The following PLCXD1 variants were observed in gnomAD, a reference collection of about 807,000 sequenced individuals.
The protein encoded by PLCXD1 is phosphatidylinositol specific phospholipase C X domain containing 1.
Under a neutral mutation model 37.8 loss-of-function variants are expected in PLCXD1, and 45 were observed. The observed-to-expected ratio is 1.19, with a 90% confidence interval of 0.94 to 1.53. The LOEUF (loss-of-function observed/expected upper bound fraction) is 1.53, where lower values mean the gene tolerates loss of function less well. PLCXD1 is among the 40% of genes most tolerant of loss of function. The pLI, the probability that PLCXD1 is intolerant of heterozygous loss-of-function variation, is 0.00. For missense variants in PLCXD1, 539 were observed against 454.7 expected (o/e 1.19, Z -1.69); for synonymous variants, 246 against 206.9 (o/e 1.19, Z -1.62).
At position 288,833 on chromosome X, in the gene PLCXD1, C is replaced by G. The variant is rs1228840148; in HGVS notation, c.228C>G (p.Ile76Met). Residue 76 changes from isoleucine (I) to methionine (M), a missense_variant, in exon 3 of 7, where the codon ATC becomes ATG. Coordinates refer to ENST00000381657, the MANE Select transcript of PLCXD1 (RefSeq NM_018390.4). ...TGCTGAACAAGGCCTTGCCCTGCATCACGCGCCCTGTCGTGCTGAAATGGT... is the reference window on the plus strand; with the variant it reads ...TGCTGAACAAGGCCTTGCCCTGCATGACGCGCCCTGTCGTGCTGAAATGGT... ...LQLLNKALPC[I>M]TRPVVLKWSV... is the part of the protein sequence containing the mutation. 1.2e-6 allele frequency: 2 copies of G among 1,613,626 alleles called. No individual in the cohort carries two copies. The highest frequency in any genetic ancestry group is 2.7e-5 in the African/African-American group (2 of 75,046).
chrX:288,487 G>A lies in PLCXD1; in HGVS notation c.128-246G>A, dbSNP rs928550663. ...CACCTGTCACTGGATTTGGGGGCCC[G>A]CCCTACTCCAGGATGATCTCATTTC... On this transcript the variant is annotated intron_variant, in intron 2 of 6. Coordinates refer to ENST00000381657, the MANE Select transcript of PLCXD1 (RefSeq NM_018390.4). Among the ~76,000 whole-genome samples the A allele has an allele frequency of 3.8e-4, 58 of 152,054 alleles. 1 individual carries two copies. The highest frequency in any genetic ancestry group is 6.5e-4 in the Non-Finnish European group (44 of 68,018).
At chrX:279,178 C>T (rs900301599), upstream of PLCXD1, among the ~76,000 whole-genome samples, 1 of 152,124 alleles carries the variant, frequency 6.6e-6, no homozygotes, top group East Asian at 1.9e-4. Context: ...GTCGATTGAT[C>T]GGCTAAGGTA....
chrX:289,555 G>A (rs1373683135), intron 3 of PLCXD1, among the ~76,000 whole-genome samples: 1 of 134,666 alleles, frequency 7.4e-6, no homozygotes, highest in Non-Finnish European at 1.5e-5. Flanking sequence ...CTGCCGCCCA[G>A]GCTGGAGTGC....
upstream of PLCXD1, among the ~76,000 whole-genome samples, chrX:280,396 GGGAGGC>G (rs2069241421): frequency 1.8e-5 from 1 of 54,264 alleles, no homozygotes. Context: ...GCAGGGGGAA[GGGAGGC>G]CGTGCAGGCA....
chrX:296,020 C>T (rs755501646), intron 6 of PLCXD1, among the ~76,000 whole-genome samples: 2 of 151,908 alleles, frequency 1.3e-5, no homozygotes, highest in African/African-American at 2.4e-5. Flanking sequence ...CCATGTTGAT[C>T]AGGCTGGTCT....
At chrX:296,057 C>A (rs2069796779) in intron 6 of PLCXD1, among the ~76,000 whole-genome samples, 1 of 152,036 alleles carries the variant, frequency 6.6e-6, no homozygotes, top group Non-Finnish European at 1.5e-5. Flanking sequence ...GGTGATCTGC[C>A]CGCCTTGGCC....
intron 2 of PLCXD1, among the ~76,000 whole-genome samples, chrX:284,583 TGCACACACGCACACAC>T (rs59021587): frequency 0.2 from 24,249 of 123,916 alleles, 3,787 homozygotes; most frequent in African/African-American, 0.45. Flanking sequence ...CAGGCATACA[TGCACACACGCACACAC>T]GCACACACGC....
intron 6 of PLCXD1, among the ~76,000 whole-genome samples, chrX:294,098 A>G (rs1452733495): frequency 6.7e-6 from 1 of 149,754 alleles, no homozygotes; most frequent in Non-Finnish European, 1.5e-5. Flanking sequence ...GCACTTTGGG[A>G]GGCCAAGGTG....
At chrX:288,603 C>T (rs1202118843) in intron 2 of PLCXD1, 130 bp from the exon 3 acceptor site, 21 of 989,278 alleles carry the variant, frequency 2.1e-5, no homozygotes, top group Non-Finnish European at 3.2e-5. Context: ...GCGTGCACCC[C>T]TCCCGCCATA....
intron 3 of PLCXD1, 59 bp from the exon 4 acceptor site, chrX:290,589 C>A: frequency 6.3e-7 from 1 of 1,599,644 alleles, no homozygotes; most frequent in Non-Finnish European, 8.5e-7. Flanking sequence ...CAGCCCATTC[C>A]TGAGCCCCCC....
chrX:295,036 T>G (rs1390018505), intron 6 of PLCXD1, among the ~76,000 whole-genome samples: 1 of 149,852 alleles, frequency 6.7e-6, no homozygotes, highest in African/African-American at 2.5e-5. Context: ...TGGGCGTGGT[T>G]GTGTGCACCT....
chrX:290,051 A>G (rs2069578482), intron 3 of PLCXD1, among the ~76,000 whole-genome samples: 1 of 151,658 alleles, frequency 6.6e-6, no homozygotes, highest in Non-Finnish European at 1.5e-5. Flanking sequence ...TGGGCCTCCC[A>G]GGATCAAAGG....
chrX:280,005 C>G (rs1485097433), upstream of PLCXD1, among the ~76,000 whole-genome samples: 2 of 152,070 alleles, frequency 1.3e-5, no homozygotes, highest in East Asian at 1.9e-4. Context: ...CGCGCCAGCA[C>G]GGCTAAATGA....
At chrX:285,649 A>T (rs1172175606) in intron 2 of PLCXD1, among the ~76,000 whole-genome samples, 1 of 152,112 alleles carries the variant, frequency 6.6e-6, no homozygotes, top group Non-Finnish European at 1.5e-5. Flanking sequence ...GCGTGTACAC[A>T]CATGCACACA....
rs187723810 is a variant in PLCXD1 at position 290,392 on chromosome X, T to C, written c.265-256T>C. ...TTGCAGTGAGCCCAGATTGCACCAC[T>C]GCACTCCAGCCTGGGTGACAGAGCG... On this transcript the variant is annotated intron_variant, in intron 3 of 6. Transcript: ENST00000381657. 4.3e-3 allele frequency among the ~76,000 whole-genome samples: 632 copies of C among 147,688 alleles called. 4 individuals are homozygous for C. The highest frequency in any genetic ancestry group is 7.4e-3 in the Non-Finnish European group (500 of 67,474).
rs770857394 is a variant in PLCXD1 at position 293,141 on chromosome X, C to A, written c.656C>A (p.Pro219His). 1 of 1,612,310 alleles carries A rather than the reference C, an allele frequency of 6.2e-7. No individual in the cohort carries two copies. Among genetic ancestry groups the A allele is most frequent in the East Asian group, 2.2e-5 (1 of 44,878 alleles). ...RRHHELWPGV[P>H]YWWGNRVKTE... is the part of the protein sequence containing the mutation. ...CACCACGAGCTGTGGCCAGGAGTCCCCTACTGGTGGGGAAACAGGGTGAAG... is the reference window on the plus strand; with the variant it reads ...CACCACGAGCTGTGGCCAGGAGTCCACTACTGGTGGGGAAACAGGGTGAAG... The change falls in exon 6 of 7, where the codon CCC becomes CAC. Residue 219 changes from proline to histidine, a missense_variant. Transcript: ENST00000381657.
In PLCXD1 at chrX:300,015, T is replaced by C. The variant is rs146768618; in HGVS notation, c.*680T>C. Reference sequence around the variant, plus strand: ...TTGCATTGAGCTGAGATCGTGCCACTGCACTCCAGCCTGGGCGACAGAGCG... The same window carrying C: ...TTGCATTGAGCTGAGATCGTGCCACCGCACTCCAGCCTGGGCGACAGAGCG... On this transcript the variant is annotated 3_prime_UTR_variant, in exon 7 of 7. Transcript: ENST00000381657. The C allele has an allele frequency of 0.043, 6,110 of 143,088 alleles. 169 individuals carry two copies. Among genetic ancestry groups the C allele is most frequent in the South Asian group, 0.095 (433 of 4,576 alleles). The allele number at this position is 143,088 out of a possible 1,614,324, so 8.9% of individuals were successfully genotyped here. A position where few individuals can be genotyped will look rare whatever the true frequency, so the allele number is the denominator to read the frequency against.
In PLCXD1 at chrX:291,734, G is replaced by A. The variant is rs2069643452; in HGVS notation, c.549+80G>A. On this transcript the variant is annotated intron_variant, in intron 5 of 6. Coordinates refer to ENST00000381657, the MANE Select transcript of PLCXD1 (RefSeq NM_018390.4). ...CTCAGACTCCATTTGCTGTGCCCTG[G>A]GTGTGGGTGCTGCCATGATTCCTGT... is the stretch of plus-strand genomic sequence containing the variant. 6 of 1,439,408 alleles carry A rather than the reference G, an allele frequency of 4.2e-6. No homozygotes were observed. The South Asian group carries it at 6.9e-5, about 17-fold the overall frequency. 89.2% of individuals were successfully genotyped at this position (1,439,408 alleles called of 1,614,324 possible). A position where few individuals can be genotyped will look rare whatever the true frequency, so the allele number is the denominator to read the frequency against.
At chrX:281,184 C>T (rs1255786425), upstream of PLCXD1, 3 of 245,666 alleles carry the variant, frequency 1.2e-5, no homozygotes, top group Non-Finnish European at 2.4e-5. Flanking sequence ...GAGGGGAAGC[C>T]GTCCTGGGCC....
Sources: allele counts gnomAD v4.1 joint callset (sites outside exome capture counted in the v4.1 genomes callset), GRCh38; gene constraint gnomAD v4.1.1; transcripts MANE v1.5; gene names NCBI Gene and HGNC (gene_info 2026-07-23, HGNC 2026-07-21).